The following CACNA1E variants were observed in gnomAD, a reference collection of about 807,000 sequenced individuals.
CACNA1E encodes the protein voltage-dependent R-type calcium channel subunit alpha-1E.
Under a neutral mutation model 259.2 loss-of-function variants are expected in CACNA1E, and 40 were observed. The observed-to-expected ratio is 0.15, with a 90% CI of 0.12 to 0.20. The LOEUF (loss-of-function observed/expected upper bound fraction) is 0.20, where lower values mean the gene tolerates loss of function less well. CACNA1E is among the 10% of genes least tolerant of loss of function. The probability of loss-of-function intolerance (pLI) is 1.00; values close to 1 mark genes in which losing one functional copy is unlikely to be tolerated. For missense variants in CACNA1E, 1,874 were observed against 3,040.1 expected, an observed-to-expected ratio of 0.62 and a Z score of 9.02; for synonymous variants, 1,104 against 1,138.5, an observed-to-expected ratio of 0.97 and a Z score of 0.61.
chr1:181,515,081 C>T (rs1489369581), intron 3 of CACNA1E, among the ~76,000 whole-genome samples: 1 of 152,018 alleles, frequency 6.6e-6, no homozygotes, highest in Admixed American at 6.5e-5. Flanking sequence ...TTTCCCCATA[C>T]TGGCAGTTAC....
intron 27 of CACNA1E, among the ~76,000 whole-genome samples, chr1:181,754,205 C>T (rs1043157513): frequency 1.3e-5 from 2 of 152,190 alleles, no homozygotes; most frequent in African/African-American, 4.8e-5. Flanking sequence ...CCAGAGAAAG[C>T]ACCCTGCAAC....
At chr1:181,697,138 A>G (rs1651787110) in intron 7 of CACNA1E, among the ~76,000 whole-genome samples, 2 of 152,218 alleles carry the variant, frequency 1.3e-5, no homozygotes, top group African/African-American at 4.8e-5. Flanking sequence ...AAGGGGAAAA[A>G]TAGGATGAAA....
At chr1:181,346,908 G>A (rs753344000) in intron 1 of CACNA1E, among the ~76,000 whole-genome samples, 37 of 152,272 alleles carry the variant, frequency 2.4e-4, no homozygotes, top group Middle Eastern at 6.8e-3. Flanking sequence ...CCCGGGTGGT[G>A]TGTTTTGAGG....
At chr1:181,520,882 C>T (rs12402123) in intron 3 of CACNA1E, among the ~76,000 whole-genome samples, 13,032 of 152,204 alleles carry the variant, frequency 0.086, 665 homozygotes, top group South Asian at 0.25. Context: ...CCACTTCTCA[C>T]AAAACATACA....
At chr1:181,392,243 G>A (rs894008233) in intron 1 of CACNA1E, among the ~76,000 whole-genome samples, 1 of 151,948 alleles carries the variant, frequency 6.6e-6, no homozygotes, top group South Asian at 2.1e-4. Context: ...TTTTCCTGAC[G>A]CTCAACTCAA....
intron 7 of CACNA1E, among the ~76,000 whole-genome samples, chr1:181,705,741 C>T (rs1209194743): frequency 6.6e-6 from 1 of 152,198 alleles, no homozygotes; most frequent in Non-Finnish European, 1.5e-5. Context: ...TGTACAATCT[C>T]TTATGGGAAT....
chr1:181,429,224 A>G (rs1007097523), intron 2 of CACNA1E, among the ~76,000 whole-genome samples: 22 of 152,162 alleles, frequency 1.4e-4, no homozygotes, highest in African/African-American at 5.3e-4. Context: ...GAAACTACCT[A>G]TAGGAAGCTG....
intron 3 of CACNA1E, among the ~76,000 whole-genome samples, chr1:181,559,644 T>C (rs964874604): frequency 6.6e-6 from 1 of 152,180 alleles, no homozygotes; most frequent in African/African-American, 2.4e-5. Flanking sequence ...AAGTACATCT[T>C]GAATTTGGAG....
intron 33 of CACNA1E, among the ~76,000 whole-genome samples, chr1:181,762,972 T>C (rs1658716043): frequency 6.6e-6 from 1 of 152,222 alleles, no homozygotes; most frequent in Admixed American, 6.5e-5. Flanking sequence ...GCACAGTATC[T>C]TTGCCCTCAA....
At position 181,651,685 on chromosome 1, in the gene CACNA1E, T is replaced by C. The variant is rs561540982; in HGVS notation, c.1055+244T>C. ...CAGGCACAACACTGAACACAGTATG[T>C]AGTGAGAGTTCATTTATTCATCCAT... On this transcript the variant is annotated intron_variant, in intron 7 of 47. Coordinates refer to ENST00000367573, the MANE Select transcript of CACNA1E (RefSeq NM_001205293.3). The C allele has an allele frequency of 2.4e-5, 8 of 338,462 alleles. No individual in the cohort carries two copies. The South Asian group carries it at 4.1e-4, about 17-fold the overall frequency. 21.0% of individuals were successfully genotyped at this position (338,462 alleles called of 1,614,324 possible).
chr1:181,407,485 A>G (rs1384187441), intron 1 of CACNA1E, among the ~76,000 whole-genome samples: 1 of 152,216 alleles, frequency 6.6e-6, no homozygotes, highest in East Asian at 1.9e-4. Flanking sequence ...GTGTCTATTA[A>G]CAATGTAGGT....
intron 7 of CACNA1E, among the ~76,000 whole-genome samples, chr1:181,703,333 C>T (rs183643669): frequency 2.0e-4 from 31 of 152,274 alleles, no homozygotes; most frequent in Admixed American, 2.0e-3. Context: ...TAGGTATGAT[C>T]ATTATTCCTA....
At position 181,641,860 on chromosome 1, in the gene CACNA1E, T is replaced by C. The variant is rs528108513; in HGVS notation, c.952-9478T>C. On this transcript the variant is annotated intron_variant, in intron 6 of 47. Coordinates refer to ENST00000367573, the MANE Select transcript of CACNA1E (RefSeq NM_001205293.3). ...TCCTGAGTAGCTGGGACTACAGGCA[T>C]GCGTCACCACACCCAGCTAATTTTT... is the stretch of plus-strand genomic sequence containing the variant. Among the ~76,000 whole-genome samples the C allele has an allele frequency of 2.0e-4, 30 of 151,770 alleles. No individual in the cohort carries two copies. In the Middle Eastern group the frequency reaches 0.01, roughly 52 times the overall value.
intron 38 of CACNA1E, among the ~76,000 whole-genome samples, chr1:181,778,289 A>G (rs972397817): frequency 2.6e-5 from 4 of 152,166 alleles, no homozygotes; most frequent in Admixed American, 1.3e-4. Flanking sequence ...CTACTTCCCA[A>G]TCTCACTAAG....
At chr1:181,679,980 G>A (rs1180048351) in intron 7 of CACNA1E, among the ~76,000 whole-genome samples, 1 of 151,918 alleles carries the variant, frequency 6.6e-6, no homozygotes. Context: ...GAGCATGGTG[G>A]TGTGTACCTA....
At chr1:181,757,190 A>G in intron 30 of CACNA1E, 64 bp downstream of exon 30, 5 of 1,167,544 alleles carry the variant, frequency 4.3e-6, no homozygotes, top group South Asian at 2.5e-5. Flanking sequence ...TGGGCCAGCA[A>G]TGTAAGAAAG....
intron 7 of CACNA1E, among the ~76,000 whole-genome samples, chr1:181,706,350 G>C (rs1318663565): frequency 6.6e-6 from 1 of 152,044 alleles, no homozygotes; most frequent in Admixed American, 6.5e-5. Context: ...GAGGAGAGAG[G>C]GACCAGTTAA....
In CACNA1E at chr1:181,630,396, C is replaced by T. The variant is rs547503016; in HGVS notation, c.952-20942C>T. Among the ~76,000 whole-genome samples the T allele has an allele frequency of 1.8e-3, 278 of 151,164 alleles. 2 individuals carry two copies. The highest frequency in any genetic ancestry group is 6.0e-3 in the African/African-American group (247 of 40,992). ...GTGTAATTAACATGCCCCCCCACCC[C>T]GCCTTAAAACCTAATATTCATTCAT... On this transcript the variant is annotated intron_variant, in intron 6 of 47. Coordinates refer to ENST00000367573, the MANE Select transcript of CACNA1E (RefSeq NM_001205293.3).
chr1:181,721,789 T>C lies in CACNA1E; in HGVS notation c.1988T>C (p.Met663Thr). The C allele has an allele frequency of 6.2e-7, 1 of 1,613,184 alleles. No individual in the cohort carries two copies. Among genetic ancestry groups the C allele is most frequent in the Non-Finnish European group, 8.5e-7 (1 of 1,179,204 alleles). ...ACGGGTGAGGACTGGAATGAGGTGA[T>C]GTACAATGGGATCCGCTCCCAGGGT... ...ILTGEDWNEV[M>T]YNGIRSQGGV... is the part of the protein sequence containing the mutation. The change falls in exon 16 of 48, where the codon ATG becomes ACG. Residue 663 changes from methionine to threonine, a missense_variant. Physicochemically the swap from Met to Thr is moderately conservative, Grantham distance 81 (BLOSUM62 -1). Around this residue, in one of 14 missense-constraint regions of CACNA1E, gnomAD observed 102 missense variants for 279.4 expected, o/e 0.37. Coordinates refer to ENST00000367573, the MANE Select transcript of CACNA1E (RefSeq NM_001205293.3).
Sources: allele counts gnomAD v4.1 joint callset (sites outside exome capture counted in the v4.1 genomes callset), GRCh38; gene constraint gnomAD v4.1.1; regional missense constraint gnomAD v4.1.1; transcripts MANE v1.5; gene names NCBI Gene and HGNC (gene_info 2026-07-23, HGNC 2026-07-21).